Variants in LRRC43 observed in about 807,000 individuals in gnomAD.
The protein encoded by LRRC43 is leucine-rich repeat-containing protein 43.
A neutral mutation model predicts 64.3 loss-of-function variants in LRRC43; 62 were observed. The observed-to-expected ratio is 0.96, with a 90% CI of 0.79 to 1.19. The LOEUF (loss-of-function observed/expected upper bound fraction) is 1.19, where lower values mean the gene tolerates loss of function less well. Among genes scored for constraint, LRRC43 ranks in the 50% most tolerant of loss-of-function variants. The pLI, the probability that LRRC43 is intolerant of heterozygous loss-of-function variation, is 0.00. For missense variants in LRRC43, 868 were observed against 845.0 expected (o/e 1.03, Z -0.34); for synonymous variants, 422 against 382.3 (o/e 1.10, Z -1.21).
Position 122,172,858 on chromosome 12 carries a change from A to G in LRRC43, c.-406+5076A>G, listed in dbSNP as rs1450433696. On this transcript the variant is annotated intron_variant, in intron 1 of 5. Coordinates refer to the LRRC43 transcript ENST00000537729. ...CCTCGTTGATATATTTATCTGATCA[A>G]TGTCACAACCCTATGAGGCTGTGCC... is the stretch of plus-strand genomic sequence containing the variant. 3.8e-6 allele frequency: 3 copies of G among 798,270 alleles called. No individual in the cohort carries two copies. In the Admixed American group the frequency reaches 7.9e-5, roughly 21 times the overall value. 49.4% of individuals were successfully genotyped at this position (798,270 alleles called of 1,614,324 possible).
chr12:122,177,812 T>TTTTATTTA (rs56698669), intron 1 of LRRC43, among the ~76,000 whole-genome samples: 58,715 of 138,224 alleles, frequency 0.42, 13,122 homozygotes, highest in Middle Eastern at 0.51. Context: ...ACCTTTGTGG[T>TTTTATTTA]TTTATTTATT....
Position 122,184,786 on chromosome 12 carries a change from G to A in LRRC43, c.411+7G>A. 1.3e-6 allele frequency: 2 copies of A among 1,590,468 alleles called. No homozygotes were observed. Among genetic ancestry groups the A allele is most frequent in the Non-Finnish European group, 1.7e-6 (2 of 1,168,462 alleles). On this transcript the variant is annotated splice_region_variant and intron_variant, in intron 2 of 11. Coordinates refer to ENST00000339777, the MANE Select transcript of LRRC43 (RefSeq NM_001098519.2). The surrounding 1 kb of genome is among the most constrained non-coding windows in gnomAD (Gnocchi z 4.0). Reference sequence around the variant, plus strand: ...GCGGGTAATAGACAAGAAGGTCAGTGCTGGGCACGTGGTAGGTGATGTTAG... The same window carrying A: ...GCGGGTAATAGACAAGAAGGTCAGTACTGGGCACGTGGTAGGTGATGTTAG...
chr12:122,187,678 G>T (rs374469863), intron 3 of LRRC43, 23 bp from the exon 4 acceptor site: 1 of 1,611,012 alleles, frequency 6.2e-7, no homozygotes, highest in South Asian at 1.1e-5. Context: ...CCATCGTCCC[G>T]GGCCTTCCGT....
At position 122,184,523 on chromosome 12, in the gene LRRC43, A is replaced by T; in HGVS notation, c.155A>T (p.Lys52Met). 1 of 1,613,122 alleles carries T rather than the reference A, an allele frequency of 6.2e-7. No homozygotes were observed. The stretch of plus-strand genomic sequence containing the variant: ...ATCCCTCCTCTGCCACTGCAGAATA[A>T]GTCGCGCTTTCTTCCTCAAACTTGG... ...EFPCGAGSWNKSRFLPQTWRT... is the reference protein window; with the variant it reads ...EFPCGAGSWNMSRFLPQTWRT... The change falls in exon 2 of 12, where the codon AAG becomes ATG. Residue 52 changes from lysine to methionine, a missense_variant. Lys to Met is a moderately conservative substitution (Grantham distance 95, BLOSUM62 -1). Transcript: ENST00000339777. This position sits in a 1 kb window ranked among gnomAD's most constrained non-coding sequence, Gnocchi z 4.0.
At chr12:122,179,347 C>G (rs537122835), upstream of LRRC43, among the ~76,000 whole-genome samples, 21 of 152,314 alleles carry the variant, frequency 1.4e-4, no homozygotes, top group African/African-American at 5.1e-4. Context: ...CTCAAGCAAT[C>G]CACTCACCTT....
chr12:122,198,566 G>A (rs1337078002), intron 7 of LRRC43, among the ~76,000 whole-genome samples: 1 of 150,322 alleles, frequency 6.7e-6, no homozygotes, highest in Non-Finnish European at 1.5e-5. Context: ...CTTTCACTGA[G>A]CATCATGTTT....
Position 122,197,167 on chromosome 12 carries a change from C to T in LRRC43, c.1350-3022C>T, listed in dbSNP as rs139467924. ...ATTATCCCCTAATAAGGTCATACCC[C>T]GTCTCCTTCCCCACTTAAGTTTTGC... is the stretch of plus-strand genomic sequence containing the variant. On this transcript the variant is annotated intron_variant, in intron 7 of 11. Transcript: ENST00000339777. 1.1e-3 allele frequency among the ~76,000 whole-genome samples: 166 copies of T among 152,140 alleles called. 1 individual carries two copies. Among genetic ancestry groups the T allele is most frequent in the Admixed American group, 3.1e-3 (47 of 15,244 alleles).
chr12:122,186,577 G>A (rs1281204482), intron 3 of LRRC43, among the ~76,000 whole-genome samples: 2 of 152,200 alleles, frequency 1.3e-5, no homozygotes, highest in African/African-American at 4.8e-5. Flanking sequence ...AATAGCAGAA[G>A]GGTGGACACA....
chr12:122,185,132 T>C (rs1172934223), intron 2 of LRRC43, among the ~76,000 whole-genome samples: 3 of 152,050 alleles, frequency 2.0e-5, no homozygotes, highest in Non-Finnish European at 4.4e-5. Flanking sequence ...GTTGGTGTAG[T>C]TCTATTTTAA....
rs755893416 is a variant in LRRC43, at chr12:122,191,406, G to T, written c.928G>T (p.Val310Leu). 6.2e-7 allele frequency: 1 copy of T among 1,613,452 alleles called. No homozygotes were observed. Among genetic ancestry groups the T allele is most frequent in the Non-Finnish European group, 8.5e-7 (1 of 1,179,790 alleles). ...GDLLAQEAQF[V>L]VTIGNIRGVL... ...TCTCTTGGCACAGGAGGCGCAGTTT[G>T]TGGTGACCATCGGAAACATCAGAGG... The change falls in exon 6 of 12, where the codon GTG becomes TTG. Residue 310 changes from valine (V) to leucine (L), a missense_variant. Coordinates refer to ENST00000339777, the MANE Select transcript of LRRC43 (RefSeq NM_001098519.2).
At chr12:122,171,652 C>A (rs1170726284) in intron 1 of LRRC43, among the ~76,000 whole-genome samples, 1 of 152,040 alleles carries the variant, frequency 6.6e-6, no homozygotes, top group Non-Finnish European at 1.5e-5. Context: ...TGTGTTACAA[C>A]CCTATGAGGC....
intron 1 of LRRC43, among the ~76,000 whole-genome samples, chr12:122,168,003 A>G (rs1953455113): frequency 6.6e-6 from 1 of 151,056 alleles, no homozygotes; most frequent in Admixed American, 6.6e-5. Flanking sequence ...TTTAGTAGAG[A>G]TGAGGTTTTA....
At position 122,190,185 on chromosome 12, in the gene LRRC43, A is replaced by G. The variant is rs1385225345; in HGVS notation, c.718A>G (p.Met240Val). 3.1e-6 allele frequency: 5 copies of G among 1,614,014 alleles called. No homozygotes were observed. The African/African-American group carries it at 4.0e-5, about 13-fold the overall frequency. ...CAACGACCTGACAGACCTGCAGAGC[A>G]TGGTCACCAGCCTGAGGACCCTCCG... is the stretch of plus-strand genomic sequence containing the variant. ...GFNDLTDLQSMVTSLRTLRHL... is the reference protein window; with the variant it reads ...GFNDLTDLQSVVTSLRTLRHL... Residue 240 changes from methionine (M) to valine (V), a missense_variant, in exon 5 of 12, where the codon ATG becomes GTG. By Grantham distance (21) the Met-to-Val change is conservative. Transcript: ENST00000339777.
intron 7 of LRRC43, among the ~76,000 whole-genome samples, chr12:122,193,381 TAAAAAAAAAAA>T (rs34910328): frequency 4.2e-5 from 2 of 47,160 alleles, no homozygotes; most frequent in South Asian, 1.3e-3. Context: ...CTCCGTCTCA[TAAAAAAAAAAA>T]AAAAAAAAAA....
chr12:122,197,450 C>T lies in LRRC43; in HGVS notation c.1350-2739C>T, dbSNP rs145433355. 6.5e-3 allele frequency among the ~76,000 whole-genome samples: 988 copies of T among 152,200 alleles called. 13 individuals carry two copies. The highest frequency in any genetic ancestry group is 8.7e-3 in the Non-Finnish European group (593 of 68,012). ...CAAGTGCTGGGATTACAGGTGTGAG[C>T]CACCGCGCCTGGCCCCCTTTCATGG... On this transcript the variant is annotated intron_variant, in intron 7 of 11. Transcript: ENST00000339777.
chr12:122,197,433 G>A (rs555210819), intron 7 of LRRC43, among the ~76,000 whole-genome samples: 9 of 152,186 alleles, frequency 5.9e-5, no homozygotes, highest in African/African-American at 2.2e-4. Context: ...CCCAAGTGCT[G>A]GGATTACAGG....
intron 1 of LRRC43, chr12:122,172,191 A>T (rs1280808565): frequency 8.1e-6 from 4 of 492,306 alleles, no homozygotes; most frequent in Non-Finnish European, 1.5e-5. Context: ...GAAGAAAAGC[A>T]TTCCATAAAT....
chr12:122,197,097 C>T (rs914493301), intron 7 of LRRC43, among the ~76,000 whole-genome samples: 2 of 152,120 alleles, frequency 1.3e-5, no homozygotes, highest in African/African-American at 4.8e-5. Flanking sequence ...CCTCATTGGT[C>T]AAGTACTATG....
intron 1 of LRRC43, chr12:122,172,882 C>T (rs973877536): frequency 1.2e-5 from 8 of 683,762 alleles, no homozygotes; most frequent in Admixed American, 5.7e-5. Flanking sequence ...TGAGGCTGTG[C>T]CATCACCAAC....
Sources: allele counts gnomAD v4.1 joint callset (sites outside exome capture counted in the v4.1 genomes callset), GRCh38; gene constraint gnomAD v4.1.1; non-coding constraint Gnocchi (gnomAD v3.1); transcripts MANE v1.5; gene names NCBI Gene and HGNC (gene_info 2026-07-23, HGNC 2026-07-21).